Variants in SMURF2 observed in about 807,000 individuals in gnomAD.
The protein encoded by SMURF2 is E3 ubiquitin-protein ligase SMURF2.
SMURF2 carries 48 observed loss-of-function variants against 109.6 expected under a neutral mutation model. The ratio of observed to expected loss-of-function variants is 0.44; its 90% CI spans 0.35 to 0.56. SMURF2 has a LOEUF of 0.56. Among genes scored for constraint, SMURF2 ranks in the 20% least tolerant of loss-of-function variants. The pLI is 0.01. For missense variants in SMURF2, 575 were observed against 909.0 expected (o/e 0.63, Z 4.72); for synonymous variants, 288 against 317.1 (o/e 0.91, Z 0.97).
chr17:64,659,584 T>G (rs1375174714), intron 1 of SMURF2, among the ~76,000 whole-genome samples: 3 of 151,172 alleles, frequency 2.0e-5, no homozygotes, highest in African/African-American at 7.3e-5. Context: ...CTTCTCAAGA[T>G]GGACTGAGAA....
chr17:64,598,694 T>C (rs1969851687), intron 2 of SMURF2, among the ~76,000 whole-genome samples: 1 of 152,234 alleles, frequency 6.6e-6, no homozygotes, highest in Admixed American at 6.5e-5. Context: ...TTCTCGTTTC[T>C]GTCTCAAAAT....
rs1468110546 is a variant in SMURF2 at position 64,545,372 on chromosome 17, T to G, written c.*476A>C. ...ACAAAGGTAGAATAATTCAAAATAA[T>G]TTTATTTTTTTTTACAAAGAGCAAG... is the stretch of plus-strand genomic sequence containing the variant. On this transcript the variant is annotated 3_prime_UTR_variant, in exon 19 of 19. Transcript: ENST00000262435. The G allele has an allele frequency of 6.6e-6, 1 of 152,636 alleles. No homozygotes were observed. Among genetic ancestry groups the G allele is most frequent in the South Asian group, 2.1e-4 (1 of 4,824 alleles). The allele number at this position is 152,636 out of a possible 1,614,324, so 9.5% of individuals were successfully genotyped here. A position where few individuals can be genotyped will look rare whatever the true frequency, so the allele number is the denominator to read the frequency against.
At chr17:64,648,959 T>G (rs1230797624) in intron 1 of SMURF2, among the ~76,000 whole-genome samples, 1 of 152,244 alleles carries the variant, frequency 6.6e-6, no homozygotes, top group Non-Finnish European at 1.5e-5. Flanking sequence ...TTTATGGTAT[T>G]AGATTCATAC....
intron 1 of SMURF2, among the ~76,000 whole-genome samples, chr17:64,648,874 TTA>T (rs1970596643): frequency 6.6e-6 from 1 of 152,224 alleles, no homozygotes; most frequent in Non-Finnish European, 1.5e-5. Context: ...TTACTTTTCC[TTA>T]TAGTTTTTTT....
intron 1 of SMURF2, among the ~76,000 whole-genome samples, chr17:64,610,184 T>C (rs1210035251): frequency 1.3e-5 from 2 of 152,218 alleles, no homozygotes; most frequent in East Asian, 1.9e-4. Flanking sequence ...TCAACCATTG[T>C]GAAAGACAGT....
chr17:64,580,764 T>C (rs782203907), intron 8 of SMURF2, 25 bp downstream of exon 8: 2 of 1,604,916 alleles, frequency 1.2e-6, no homozygotes, highest in Admixed American at 3.4e-5. Context: ...AACCACATTT[T>C]ATTTTTCCTT....
At chr17:64,549,671 G>A (rs1337555274) in intron 16 of SMURF2, among the ~76,000 whole-genome samples, 6 of 152,224 alleles carry the variant, frequency 3.9e-5, no homozygotes, top group South Asian at 4.1e-4. Flanking sequence ...CACGAGAATC[G>A]CTTGAAAACC....
chr17:64,613,731 TGTGTGTGTGTGTGG>T (rs1555689827), intron 1 of SMURF2, among the ~76,000 whole-genome samples: 11 of 132,562 alleles, frequency 8.3e-5, no homozygotes, highest in African/African-American at 3.1e-4. Context: ...TGTGTGTGTG[TGTGTGTGTGTGTGG>T]AGGGGGGGCA....
chr17:64,555,479 C>CCA (rs1326432422), intron 14 of SMURF2, among the ~76,000 whole-genome samples: 2 of 152,176 alleles, frequency 1.3e-5, no homozygotes, highest in African/African-American at 4.8e-5. Flanking sequence ...CCAACAATCG[C>CCA]CACTTCATTA....
At chr17:64,554,322 G>A (rs1287174475) in intron 15 of SMURF2, among the ~76,000 whole-genome samples, 3 of 152,336 alleles carry the variant, frequency 2.0e-5, no homozygotes, top group East Asian at 3.9e-4. Flanking sequence ...CCAGGCTTAG[G>A]CCTTAAAAAG....
At chr17:64,555,758 G>GA (rs1165484468) in intron 14 of SMURF2, 62 bp downstream of exon 14, 3 of 1,214,792 alleles carry the variant, frequency 2.5e-6, no homozygotes, top group Non-Finnish European at 3.4e-6. Context: ...CATCAGTTTT[G>GA]AAACATATTT....
At chr17:64,548,705 A>G (rs1968993922) in intron 16 of SMURF2, among the ~76,000 whole-genome samples, 4 of 152,140 alleles carry the variant, frequency 2.6e-5, no homozygotes, top group Admixed American at 2.6e-4. Flanking sequence ...GCTTAATAAT[A>G]TTAAATTGAT....
intron 1 of SMURF2, among the ~76,000 whole-genome samples, chr17:64,657,730 A>G (rs1422403166): frequency 6.6e-6 from 1 of 151,600 alleles, no homozygotes; most frequent in South Asian, 2.1e-4. Flanking sequence ...AAAAAAAAAA[A>G]GGCTAAAATA....
At chr17:64,661,634 C>T (rs1970778429) in intron 1 of SMURF2, among the ~76,000 whole-genome samples, 195 bp downstream of exon 1, 1 of 152,064 alleles carries the variant, frequency 6.6e-6, no homozygotes, top group East Asian at 1.9e-4. Flanking sequence ...CGCCCCGAGT[C>T]ATCCTCGGCT....
intron 1 of SMURF2, among the ~76,000 whole-genome samples, chr17:64,608,157 T>C (rs745665380): frequency 2.9e-4 from 44 of 152,034 alleles, no homozygotes; most frequent in Non-Finnish European, 3.5e-4. Context: ...TACCTATGAA[T>C]GTAATGTTTG....
Position 64,546,295 on chromosome 17 carries a change from G to A in SMURF2, c.2115C>T (p.Ala705=), listed in dbSNP as rs147080337. 1.2e-6 allele frequency: 2 copies of A among 1,613,950 alleles called. No homozygotes were observed. Among genetic ancestry groups the A allele is most frequent in the African/African-American group, 2.7e-5 (2 of 74,922 alleles). ...PRLFTIHQID[A]CTNNLPKAHT... is the part of the protein sequence containing the mutation. ...GGGCTTTCGGCAGGTTGTTAGTGCA[G>A]GCATCAATCTGGTGTATGGTAAAGA... The change falls in exon 18 of 19, where the codon GCC becomes GCT. Residue 705 remains alanine, a synonymous_variant. Transcript: ENST00000262435.
chr17:64,607,550 C>T (rs1239421482), intron 1 of SMURF2, among the ~76,000 whole-genome samples: 2 of 149,874 alleles, frequency 1.3e-5, no homozygotes, highest in Admixed American at 6.7e-5. Flanking sequence ...CGCTTGAACC[C>T]GGGAGAGGGA....
chr17:64,654,492 T>C (rs931815272), intron 1 of SMURF2, among the ~76,000 whole-genome samples: 1 of 152,220 alleles, frequency 6.6e-6, no homozygotes, highest in African/African-American at 2.4e-5. Context: ...AAATTTTAAG[T>C]GTTAACATTC....
At chr17:64,653,388 C>T (rs974736189) in intron 1 of SMURF2, among the ~76,000 whole-genome samples, 2 of 151,738 alleles carry the variant, frequency 1.3e-5, no homozygotes, top group East Asian at 1.9e-4. Context: ...AAGACAGTAT[C>T]AAGTGCTGAC....
Sources: gnomAD v4.1 joint callset for allele counts (sites outside exome capture counted in the v4.1 genomes callset) on GRCh38, gnomAD v4.1.1 for gene constraint, MANE v1.5 for transcripts, NCBI Gene and HGNC (gene_info 2026-07-23, HGNC 2026-07-21) for gene names.